PRKAG1: variants seen among roughly 807,000 people sequenced by gnomAD.
The protein encoded by PRKAG1 is protein kinase AMP-activated non-catalytic subunit gamma 1.
PRKAG1 carries 27 observed loss-of-function variants against 48.2 expected under a neutral mutation model. The observed-to-expected ratio is 0.56, with a 90% confidence interval of 0.41 to 0.77. PRKAG1 has a LOEUF of 0.77. Among genes scored for constraint, PRKAG1 ranks in the 30% least tolerant of loss-of-function variants. The pLI is 0.00. For missense variants in PRKAG1, 287 were observed against 398.3 expected (o/e 0.72, Z 2.38); for synonymous variants, 130 against 147.7 (o/e 0.88, Z 0.87).
intron 1 of PRKAG1, 137 bp downstream of exon 1, chr12:49,018,595 G>C (rs1223119197): frequency 1.3e-6 from 2 of 1,554,944 alleles, no homozygotes. Context: ...CAGGGTCACG[G>C]GATAGGGCAG....
At chr12:49,012,678 G>C (rs1941806365) in intron 2 of PRKAG1, 1 of 202,150 alleles carries the variant, frequency 4.9e-6, no homozygotes, top group African/African-American at 2.4e-5. Context: ...CAAGCCCTTT[G>C]CATAATTTTT....
chr12:49,006,048 C>T lies in PRKAG1; in HGVS notation c.59-196G>A, dbSNP rs149194719. ...CCTCTTAGAAACCATTTCATCCAACCCCTGTCTCCAGGTTAAGACTTTATC... is the reference window on the plus strand; with the variant it reads ...CCTCTTAGAAACCATTTCATCCAACTCCTGTCTCCAGGTTAAGACTTTATC... On this transcript the variant is annotated intron_variant, in intron 2 of 11. Coordinates refer to ENST00000548065, the MANE Select transcript of PRKAG1 (RefSeq NM_002733.5). Among the ~76,000 whole-genome samples the T allele has an allele frequency of 1.2e-4, 19 of 152,302 alleles. No individual in the cohort carries two copies. The East Asian group carries it at 3.7e-3, about 29-fold the overall frequency.
chr12:49,004,126 T>TA, intron 8 of PRKAG1: 3 of 636,038 alleles, frequency 4.7e-6, no homozygotes, highest in Non-Finnish European at 7.5e-6. Context: ...CCTATCTCTA[T>TA]AAAAAATACC....
chr12:49,004,429 C>G, intron 8 of PRKAG1, 78 bp downstream of exon 8: 1 of 1,560,542 alleles, frequency 6.4e-7, no homozygotes, highest in South Asian at 1.1e-5. Context: ...CACAGTGAGA[C>G]CTCGTCTCTC....
At position 49,004,986 on chromosome 12, in the gene PRKAG1, C is replaced by A; in HGVS notation, c.388G>T (p.Val130Phe). Residue 130 changes from valine (V) to phenylalanine (F), a missense_variant, in exon 7 of 12, where the codon GTC (valine) becomes TTC (phenylalanine). Val to Phe is a conservative substitution (Grantham distance 50, BLOSUM62 -1). Coordinates refer to ENST00000548065, the MANE Select transcript of PRKAG1 (RefSeq NM_002733.5). ...CACCTGGCATTAGGAGAAATGCAGA[C>A]AAGCGGTTTAAAGGAGTCCTGGAGA... ...VYLQDSFKPLVCISPNASLFD... is the reference protein window; with the variant it reads ...VYLQDSFKPLFCISPNASLFD... The A allele has an allele frequency of 6.2e-7, 1 of 1,614,054 alleles. No individual in the cohort carries two copies. The highest frequency in any genetic ancestry group is 1.1e-5 in the South Asian group (1 of 91,078).
chr12:49,003,558 G>A lies in PRKAG1; in HGVS notation c.741C>T (p.Ile247=), dbSNP rs753063228. Residue 247 remains isoleucine, a splice_region_variant and synonymous_variant, in exon 10 of 12, where the codon ATC becomes ATT. Coordinates refer to ENST00000548065, the MANE Select transcript of PRKAG1 (RefSeq NM_002733.5). ...TCCCAGACCCTCCACAATCACTCACGATAACATCAAACTTGGAGTAGATGT... is the reference window on the plus strand; with the variant it reads ...TCCCAGACCCTCCACAATCACTCACAATAACATCAAACTTGGAGTAGATGT... The part of the protein sequence containing the change: ...VVDIYSKFDV[I]NLAAEKTYNN... 1.4e-5 allele frequency: 22 copies of A among 1,556,392 alleles called. No homozygotes were observed. Among genetic ancestry groups the A allele is most frequent in the East Asian group, 4.7e-5 (2 of 42,658 alleles).
In PRKAG1 at chr12:49,002,861, G is replaced by T; in HGVS notation, c.*38C>A. 1 of 1,561,494 alleles carries T rather than the reference G, an allele frequency of 6.4e-7. No individual in the cohort carries two copies. Among genetic ancestry groups the T allele is most frequent in the Non-Finnish European group, 8.8e-7 (1 of 1,134,368 alleles). ...AGAGCTTCCAGCAGGCAGTGAGTTG[G>T]GCATATCCCCTGGTGCTGCATGACC... On this transcript the variant is annotated 3_prime_UTR_variant, in exon 12 of 12. Transcript: ENST00000548065.
intron 2 of PRKAG1, among the ~76,000 whole-genome samples, chr12:49,007,808 C>T (rs967644524): frequency 4.0e-5 from 6 of 151,890 alleles, no homozygotes; most frequent in Non-Finnish European, 1.5e-5. Flanking sequence ...TCCCATTCTC[C>T]TCATTATTCC....
chr12:49,004,455 TC>T, intron 8 of PRKAG1, 51 bp downstream of exon 8: 1 of 1,591,644 alleles, frequency 6.3e-7, no homozygotes, highest in Non-Finnish European at 8.6e-7. Context: ...AATCAATCAA[TC>T]AATCAATCAA....
chr12:49,005,463 C>T lies in PRKAG1; in HGVS notation c.249G>A (p.Val83=), dbSNP rs936393680. ...PLWDSKKQSF[V]GMLTITDFIN... Reference sequence around the variant, plus strand: ...TGTGTTCCAGAAACTTTTGCTTACCCACAAAACTTTGCTTCTTACTATCCC... The same window carrying T: ...TGTGTTCCAGAAACTTTTGCTTACCTACAAAACTTTGCTTCTTACTATCCC... The change falls in exon 4 of 12, where the codon GTG becomes GTA. Residue 83 remains valine, a splice_region_variant and synonymous_variant. Coordinates refer to ENST00000548065, the MANE Select transcript of PRKAG1 (RefSeq NM_002733.5). This position sits in a 1 kb window ranked among gnomAD's most constrained non-coding sequence, Gnocchi z 4.1. 6.2e-7 allele frequency: 1 copy of T among 1,614,152 alleles called. No individual in the cohort carries two copies. Among genetic ancestry groups the T allele is most frequent in the Non-Finnish European group, 8.5e-7 (1 of 1,180,028 alleles).
intron 2 of PRKAG1, among the ~76,000 whole-genome samples, chr12:49,006,472 A>G (rs931532893): frequency 5.9e-5 from 9 of 152,192 alleles, no homozygotes; most frequent in South Asian, 2.1e-4. Flanking sequence ...TGCTCAATCA[A>G]CCTGGCTCAA....
intron 2 of PRKAG1, among the ~76,000 whole-genome samples, chr12:49,012,265 T>C (rs1259837350): frequency 2.0e-5 from 3 of 152,374 alleles, no homozygotes; most frequent in Admixed American, 2.0e-4. Context: ...CTCAGAAACA[T>C]AAAATAGGCA....
intron 2 of PRKAG1, among the ~76,000 whole-genome samples, chr12:49,011,393 T>G (rs987809299): frequency 6.6e-6 from 1 of 151,422 alleles, no homozygotes. Flanking sequence ...TTTAATTTTT[T>G]GTAGAGACAG....
At chr12:49,017,443 C>T (rs1942035823) in intron 1 of PRKAG1, 1 of 320,490 alleles carries the variant, frequency 3.1e-6, no homozygotes, top group African/African-American at 2.2e-5. Context: ...AACTCCTGAG[C>T]TCAAGCAATC....
At chr12:49,016,214 C>A (rs1941962802) in intron 1 of PRKAG1, among the ~76,000 whole-genome samples, 1 of 152,190 alleles carries the variant, frequency 6.6e-6, no homozygotes, top group African/African-American at 2.4e-5. Context: ...TCTGGGATTA[C>A]AGGCAAGAGC....
intron 1 of PRKAG1, among the ~76,000 whole-genome samples, chr12:49,014,125 C>T (rs10783300): frequency 0.41 from 61,576 of 152,018 alleles, 12,716 homozygotes; most frequent in African/African-American, 0.47. Context: ...CTCAACTGAT[C>T]TGCCCGCCTC....
Position 49,005,462 on chromosome 12 carries a change from C to T in PRKAG1, c.250G>A (p.Gly84Ser). 6.2e-7 allele frequency: 1 copy of T among 1,614,136 alleles called. No homozygotes were observed. The highest frequency in any genetic ancestry group is 1.6e-4 in the Middle Eastern group (1 of 6,062). Residue 84 changes from glycine to serine, a missense_variant and splice_region_variant, in exon 4 of 12, where the codon GGC (glycine) becomes AGC (serine). By Grantham distance (56) the Gly-to-Ser change is moderately conservative. This residue lies in a region of PRKAG1 where 224 missense variants were observed against 344.3 expected (regional missense o/e 0.65). Coordinates refer to ENST00000548065, the MANE Select transcript of PRKAG1 (RefSeq NM_002733.5). The surrounding 1 kb of genome is among the most constrained non-coding windows in gnomAD (Gnocchi z 4.1). ...LWDSKKQSFV[G>S]MLTITDFINI... ...TTGTGTTCCAGAAACTTTTGCTTAC[C>T]CACAAAACTTTGCTTCTTACTATCC...
intron 2 of PRKAG1, among the ~76,000 whole-genome samples, chr12:49,012,249 A>G (rs1205151262): frequency 6.6e-6 from 1 of 152,222 alleles, no homozygotes; most frequent in African/African-American, 2.4e-5. Context: ...TGCTAATGCA[A>G]ATGTACTCAG....
intron 1 of PRKAG1, chr12:49,018,081 T>C (rs1942070411): frequency 6.6e-6 from 1 of 152,212 alleles, no homozygotes; most frequent in Non-Finnish European, 1.5e-5. Flanking sequence ...CCTGCCACAA[T>C]TGGTCAATGC....
Sources: gnomAD v4.1 joint callset for allele counts (sites outside exome capture counted in the v4.1 genomes callset) on GRCh38, gnomAD v4.1.1 for gene constraint, gnomAD v4.1.1 regional missense constraint, Gnocchi (gnomAD v3.1) non-coding constraint, MANE v1.5 for transcripts, NCBI Gene and HGNC (gene_info 2026-07-23, HGNC 2026-07-21) for gene names.